ARID4B: variants seen among roughly 807,000 people sequenced by gnomAD.
The protein encoded by ARID4B is AT-rich interaction domain 4B.
Under a neutral mutation model 147.5 loss-of-function variants are expected in ARID4B, and 26 were observed. The ratio of observed to expected loss-of-function variants is 0.18; its 90% confidence interval spans 0.13 to 0.24. The LOEUF (loss-of-function observed/expected upper bound fraction) is 0.24. ARID4B is among the 10% of genes least tolerant of loss of function. ARID4B has a pLI of 1.00. For missense variants in ARID4B, 1,179 were observed against 1,511.5 expected (o/e 0.78, Z 3.65); for synonymous variants, 512 against 507.9 (o/e 1.01, Z -0.11).
intron 21 of ARID4B, 103 bp downstream of exon 21, chr1:235,177,697 C>G: frequency 1.5e-6 from 1 of 665,336 alleles, no homozygotes; most frequent in East Asian, 3.0e-5. Context: ...CAGACAAAAT[C>G]AAAATAGTGT....
intron 8 of ARID4B, among the ~76,000 whole-genome samples, chr1:235,238,511 G>A (rs900988658): frequency 2.0e-4 from 31 of 152,078 alleles, no homozygotes; most frequent in African/African-American, 6.8e-4. Flanking sequence ...GTTTATCAGC[G>A]GATCTTCAGT....
intron 7 of ARID4B, 90 bp downstream of exon 7, chr1:235,246,330 T>C: frequency 9.4e-7 from 1 of 1,066,570 alleles, no homozygotes; most frequent in African/African-American, 1.6e-5. Flanking sequence ...TGGTTAGCAT[T>C]TTGCAAATTA....
intron 2 of ARID4B, among the ~76,000 whole-genome samples, chr1:235,309,221 G>A (rs1673827022): frequency 6.8e-6 from 1 of 148,034 alleles, no homozygotes; most frequent in African/African-American, 2.5e-5. Flanking sequence ...CTGAGAAGTG[G>A]GGAGACCCTC....
chr1:235,212,376 A>G (rs1666771890), intron 17 of ARID4B, among the ~76,000 whole-genome samples: 1 of 152,244 alleles, frequency 6.6e-6, no homozygotes, highest in African/African-American at 2.4e-5. Flanking sequence ...CTAAGCTCTG[A>G]CGATAGGTAT....
At chr1:235,300,802 C>G (rs533922431) in intron 2 of ARID4B, among the ~76,000 whole-genome samples, 1 of 152,152 alleles carries the variant, frequency 6.6e-6, no homozygotes, top group South Asian at 2.1e-4. Context: ...CTCCACCTCC[C>G]AGGTTCAAGC....
chr1:235,317,107 CAATAT>C (rs1186214252), intron 2 of ARID4B, among the ~76,000 whole-genome samples: 1 of 152,074 alleles, frequency 6.6e-6, no homozygotes, highest in Non-Finnish European at 1.5e-5. Flanking sequence ...ATTTCAGAAA[CAATAT>C]AATAAAAATT....
chr1:235,238,091 C>T (rs12406718), intron 8 of ARID4B, among the ~76,000 whole-genome samples: 2 of 147,790 alleles, frequency 1.4e-5, no homozygotes, highest in Admixed American at 1.4e-4. Context: ...TGCAGTGAGC[C>T]GAGATCGCAC....
At chr1:235,236,526 GTGTT>G (rs1052412361) in intron 8 of ARID4B, among the ~76,000 whole-genome samples, 2 of 137,868 alleles carry the variant, frequency 1.5e-5, no homozygotes, top group Admixed American at 7.3e-5. Flanking sequence ...GTGTGTGTGT[GTGTT>G]TGAGATGGGG....
chr1:235,223,397 G>GTATATATA (rs1667623383), intron 12 of ARID4B, 137 bp from the exon 13 acceptor site: 1 of 90,896 alleles, frequency 1.1e-5, no homozygotes, highest in Non-Finnish European at 2.1e-5. Flanking sequence ...GTATATATAT[G>GTATATATA]TGTGTGTATA....
Position 235,256,359 on chromosome 1 carries a change from A to G in ARID4B, c.184-609T>C, listed in dbSNP as rs1669992911. On this transcript the variant is annotated intron_variant, in intron 4 of 23. Coordinates refer to ENST00000264183, the MANE Select transcript of ARID4B (RefSeq NM_016374.6). ...AGTAGACTACACCGTGAGTACCACC[A>G]TCTGTGAAACTGACTGTCCTTGCCC... Among the ~76,000 whole-genome samples the G allele has an allele frequency of 2.0e-5, 3 of 152,122 alleles. No homozygotes were observed. In the South Asian group the frequency reaches 6.2e-4, roughly 32 times the overall value.
intron 3 of ARID4B, among the ~76,000 whole-genome samples, chr1:235,258,559 T>C (rs1034744719): frequency 1.3e-5 from 2 of 152,162 alleles, no homozygotes; most frequent in Non-Finnish European, 2.9e-5. Context: ...AAAAACAAGA[T>C]AGCTTCCACT....
At chr1:235,261,302 T>C (rs998290603) in intron 2 of ARID4B, among the ~76,000 whole-genome samples, 22 of 152,132 alleles carry the variant, frequency 1.4e-4, no homozygotes, top group Non-Finnish European at 2.9e-4. Context: ...GGAGGATCAC[T>C]TGAGCCCAGG....
intron 2 of ARID4B, among the ~76,000 whole-genome samples, chr1:235,305,813 C>T (rs180855716): frequency 4.3e-4 from 65 of 152,084 alleles, no homozygotes; most frequent in African/African-American, 1.2e-3. Flanking sequence ...GTTAAAAATT[C>T]GCCAGGCATG....
At chr1:235,197,248 T>C (rs144725102) in intron 17 of ARID4B, among the ~76,000 whole-genome samples, 2 of 152,178 alleles carry the variant, frequency 1.3e-5, no homozygotes, top group African/African-American at 2.4e-5. Context: ...ACATTACTCA[T>C]AGAAAACACA....
intron 17 of ARID4B, among the ~76,000 whole-genome samples, chr1:235,204,924 T>C (rs1363752941): frequency 6.6e-6 from 1 of 152,182 alleles, no homozygotes; most frequent in Admixed American, 6.5e-5. Flanking sequence ...TCATCTTTTT[T>C]TCATGAAGGA....
chr1:235,180,323 G>C (rs1664233692), intron 20 of ARID4B: 2 of 151,776 alleles, frequency 1.3e-5, no homozygotes. Flanking sequence ...TTTTGGTAGA[G>C]ATGGGGTTTT....
chr1:235,250,620 TA>T (rs1454067370), intron 6 of ARID4B, among the ~76,000 whole-genome samples: 1 of 152,182 alleles, frequency 6.6e-6, no homozygotes, highest in African/African-American at 2.4e-5. Context: ...GTTCCATGTT[TA>T]CATGGGTTGG....
At position 235,224,768 on chromosome 1, in the gene ARID4B, A is replaced by G. The variant is rs1417049200; in HGVS notation, c.905T>C (p.Ile302Thr). The G allele has an allele frequency of 1.9e-6, 3 of 1,583,028 alleles. No individual in the cohort carries two copies. The African/African-American group carries it at 4.1e-5, about 21-fold the overall frequency. ...CTCCCTTTCTTCTGGAAATGGTTCT[A>G]TTTCTTCCTAATTTTAATCACAGAA... ...EDNSSEEEEE[I>T]EPFPEERENF... Residue 302 changes from isoleucine (I) to threonine (T), a missense_variant, in exon 12 of 24, where the codon ATA (isoleucine) becomes ACA (threonine). This residue lies in a region of ARID4B where 159 missense variants were observed against 190.5 expected (regional missense o/e 0.83). Coordinates refer to ENST00000264183, the MANE Select transcript of ARID4B (RefSeq NM_016374.6).
At chr1:235,297,828 T>C (rs1489402346) in intron 2 of ARID4B, among the ~76,000 whole-genome samples, 1 of 152,164 alleles carries the variant, frequency 6.6e-6, no homozygotes, top group Non-Finnish European at 1.5e-5. Context: ...ACAGGTTAAA[T>C]AACAGTTTCT....
Sources: gnomAD v4.1 joint callset for allele counts (sites outside exome capture counted in the v4.1 genomes callset) on GRCh38, gnomAD v4.1.1 for gene constraint, gnomAD v4.1.1 regional missense constraint, MANE v1.5 for transcripts, NCBI Gene and HGNC (gene_info 2026-07-23, HGNC 2026-07-21) for gene names.